BANP: variants seen among roughly 807,000 people sequenced by gnomAD.
BANP encodes protein BANP.
A neutral mutation model predicts 68.1 loss-of-function variants in BANP; 11 were observed. That is an observed-to-expected ratio of 0.16 (90% CI 0.10 to 0.27). BANP has a LOEUF of 0.27. Among genes scored for constraint, BANP ranks in the 10% least tolerant of loss-of-function variants. The pLI, the probability that BANP is intolerant of heterozygous loss-of-function variation, is 1.00. For synonymous variants in BANP, 329 were observed against 303.2 expected, an observed-to-expected ratio of 1.09 and a Z score of -0.88; for missense variants, 504 against 722.7, an observed-to-expected ratio of 0.70 and a Z score of 3.47.
intron 11 of BANP, among the ~76,000 whole-genome samples, chr16:88,044,968 C>T (rs1277209120): frequency 2.0e-5 from 3 of 151,692 alleles, no homozygotes; most frequent in Admixed American, 6.6e-5. Context: ...GGCAACAGAG[C>T]GCGACTCCGT....
chr16:87,993,436 G>A (rs748703220), intron 4 of BANP, among the ~76,000 whole-genome samples: 19 of 152,152 alleles, frequency 1.2e-4, no homozygotes, highest in Non-Finnish European at 2.6e-4. Flanking sequence ...TGTGCTCATG[G>A]AGATGTATTT....
At chr16:87,953,719 G>A (rs550576758) in intron 1 of BANP, among the ~76,000 whole-genome samples, 10 of 152,080 alleles carry the variant, frequency 6.6e-5, no homozygotes, top group Admixed American at 6.5e-5. Context: ...TGTTCCCATC[G>A]ACTCCTTACA....
intron 11 of BANP, among the ~76,000 whole-genome samples, chr16:88,049,803 G>A (rs534253374): frequency 3.6e-4 from 55 of 152,276 alleles, no homozygotes; most frequent in African/African-American, 1.3e-3. Context: ...GTGACACGAC[G>A]CCCCAGCCAC....
chr16:87,970,382 TC>T (rs911081927), intron 1 of BANP, among the ~76,000 whole-genome samples: 49 of 152,170 alleles, frequency 3.2e-4, no homozygotes, highest in African/African-American at 1.1e-3. Flanking sequence ...TGTGTGTTTT[TC>T]TTTTTCTGAT....
Position 88,053,548 on chromosome 16 carries a change from A to G in BANP, c.1312-11719A>G, listed in dbSNP as rs538965221. ...AACCACAACCACCTTAACAAACACTACCACCACCACCTCCACCATCATCTC... is the reference window on the plus strand; with the variant it reads ...AACCACAACCACCTTAACAAACACTGCCACCACCACCTCCACCATCATCTC... On this transcript the variant is annotated intron_variant, in intron 11 of 13. Coordinates refer to ENST00000682872, the MANE Select transcript of BANP (RefSeq NM_001386991.1). Among the ~76,000 whole-genome samples, 19 of 145,034 alleles carry G rather than the reference A, an allele frequency of 1.3e-4. No homozygotes were observed. The East Asian group carries it at 3.5e-3, about 27-fold the overall frequency.
At chr16:87,952,255 G>A (rs1754181884) in intron 1 of BANP, 1 of 152,282 alleles carries the variant, frequency 6.6e-6, no homozygotes, top group African/African-American at 2.4e-5. Context: ...GAGGACTGAT[G>A]TTTTTCACTG....
In BANP at chr16:87,975,085, T is replaced by C. The variant is rs755213277; in HGVS notation, c.-31T>C. The C allele has an allele frequency of 4.4e-6, 7 of 1,596,186 alleles. No homozygotes were observed. Among genetic ancestry groups the C allele is most frequent in the African/African-American group, 4.1e-5 (3 of 73,306 alleles). On this transcript the variant is annotated 5_prime_UTR_variant, in exon 2 of 14. Transcript: ENST00000682872. The stretch of plus-strand genomic sequence containing the variant: ...CAGCCCCACTGTGAGTTGAACTCTT[T>C]CGTGTTGACCGGCCACTCTCCGTGC...
intron 4 of BANP, among the ~76,000 whole-genome samples, chr16:87,997,068 A>C (rs1192154840): frequency 6.6e-6 from 1 of 152,130 alleles, no homozygotes; most frequent in African/African-American, 2.4e-5. Context: ...GCAGAAGAGA[A>C]ATGGAAGGCC....
At chr16:87,949,674 T>G (rs182563065), upstream of BANP, 5 of 151,698 alleles carry the variant, frequency 3.3e-5, no homozygotes, top group African/African-American at 1.2e-4. Flanking sequence ...CTCCTTGGAG[T>G]GTTTGTAAGG....
chr16:88,062,190 T>TG (rs1346014478), intron 11 of BANP, among the ~76,000 whole-genome samples: 1 of 152,076 alleles, frequency 6.6e-6, no homozygotes, highest in African/African-American at 2.4e-5. Context: ...TTTAAAGGCA[T>TG]GGGGGGTGGG....
chr16:88,048,894 G>A (rs142408746), intron 11 of BANP, among the ~76,000 whole-genome samples: 32 of 152,114 alleles, frequency 2.1e-4, no homozygotes, highest in African/African-American at 7.2e-4. Flanking sequence ...GGTTGAAGGC[G>A]CTGAAGTCAG....
chr16:87,977,823 C>T (rs908933125), intron 2 of BANP, among the ~76,000 whole-genome samples: 6 of 141,346 alleles, frequency 4.2e-5, no homozygotes, highest in Admixed American at 3.7e-4. Flanking sequence ...CCTGTCACTG[C>T]AGTTGATTGA....
chr16:87,988,296 C>T lies in BANP; in HGVS notation c.362+4037C>T, dbSNP rs372533348. On this transcript the variant is annotated intron_variant, in intron 4 of 13. Coordinates refer to ENST00000682872, the MANE Select transcript of BANP (RefSeq NM_001386991.1). ...TCAGATATTTTGAGATGGAGTCTCG[C>T]TCTGTTGCCCAGGCTAGAGTGCAAT... Among the ~76,000 whole-genome samples, 179 of 152,276 alleles carry T rather than the reference C, an allele frequency of 1.2e-3. 1 individual carries two copies. Among genetic ancestry groups the T allele is most frequent in the African/African-American group, 4.2e-3 (173 of 41,548 alleles).
rs931130216 is a variant in BANP at position 87,964,733 on chromosome 16, C to T, written c.-68-10315C>T. Among the ~76,000 whole-genome samples, 6 of 152,172 alleles carry T rather than the reference C, an allele frequency of 3.9e-5. No individual in the cohort carries two copies. The South Asian group carries it at 8.3e-4, about 21-fold the overall frequency. On this transcript the variant is annotated intron_variant, in intron 1 of 13. Transcript: ENST00000682872. Reference sequence around the variant, plus strand: ...GCCGTATGTGAGCAGGTCTGAGGGGCGGCCTGGGTCCAGGTTGGGAGTGAC... The same window carrying T: ...GCCGTATGTGAGCAGGTCTGAGGGGTGGCCTGGGTCCAGGTTGGGAGTGAC...
intron 11 of BANP, among the ~76,000 whole-genome samples, chr16:88,060,931 G>A (rs1222150439): frequency 6.6e-6 from 1 of 150,678 alleles, no homozygotes; most frequent in Non-Finnish European, 1.5e-5. Flanking sequence ...AGGCCTCGGG[G>A]TGACTTTGGT....
intron 11 of BANP, among the ~76,000 whole-genome samples, chr16:88,052,341 G>A (rs537636797): frequency 6.6e-6 from 1 of 152,130 alleles, no homozygotes; most frequent in African/African-American, 2.4e-5. Context: ...TTAGAGACTT[G>A]CTTTCTCCTA....
intron 8 of BANP, among the ~76,000 whole-genome samples, chr16:88,028,218 A>G (rs1024691566): frequency 1.2e-4 from 18 of 152,234 alleles, no homozygotes; most frequent in African/African-American, 4.1e-4. Flanking sequence ...TTTGAATGAA[A>G]ACTATTCTCT....
chr16:87,959,135 G>C (rs190897540), intron 1 of BANP, among the ~76,000 whole-genome samples: 1 of 152,208 alleles, frequency 6.6e-6, no homozygotes, highest in Non-Finnish European at 1.5e-5. Flanking sequence ...GGGTCAGAGT[G>C]TAAGTGTTTC....
At chr16:88,074,908 A>G (rs2091257012) in intron 13 of BANP, among the ~76,000 whole-genome samples, 1 of 152,194 alleles carries the variant, frequency 6.6e-6, no homozygotes, top group African/African-American at 2.4e-5. Context: ...TTTGTCTTGA[A>G]AAAGCACAAC....
Sources: gnomAD v4.1 joint callset for allele counts (sites outside exome capture counted in the v4.1 genomes callset) on GRCh38, gnomAD v4.1.1 for gene constraint, MANE v1.5 for transcripts, NCBI Gene and HGNC (gene_info 2026-07-23, HGNC 2026-07-21) for gene names.